The following CHST9 variants were observed in gnomAD, a reference collection of about 807,000 sequenced individuals.
The protein encoded by CHST9 is carbohydrate sulfotransferase 9.
CHST9 carries 41 observed loss-of-function variants against 44.4 expected under a neutral mutation model. The observed-to-expected ratio is 0.92, with a 90% CI of 0.72 to 1.20. The LOEUF (loss-of-function observed/expected upper bound fraction) is 1.20. CHST9 is among the 50% of genes most tolerant of loss of function. CHST9 has a pLI of 0.00. For synonymous variants in CHST9, 171 were observed against 178.4 expected, an observed-to-expected ratio of 0.96 and a Z score of 0.33; for missense variants, 504 against 516.5, an observed-to-expected ratio of 0.98 and a Z score of 0.23.
At chr18:27,006,487 G>T (rs1365180132) in intron 4 of CHST9, among the ~76,000 whole-genome samples, 1 of 152,024 alleles carries the variant, frequency 6.6e-6, no homozygotes, top group Non-Finnish European at 1.5e-5. Flanking sequence ...ATGCTGTTTG[G>T]CCTGTTTAAT....
intron 2 of CHST9, among the ~76,000 whole-genome samples, chr18:27,120,581 T>TA (rs61406912): frequency 2.7e-4 from 41 of 149,654 alleles, no homozygotes; most frequent in African/African-American, 5.9e-4. Flanking sequence ...TAATCCACGT[T>TA]AAAAAAAAAA....
chr18:26,963,625 C>T (rs797019826), intron 4 of CHST9, among the ~76,000 whole-genome samples: 22 of 145,282 alleles, frequency 1.5e-4, no homozygotes, highest in African/African-American at 5.3e-4. Flanking sequence ...CAAATGAAAA[C>T]ATCTATTTCA....
At chr18:27,142,293 G>GT (rs2058574458) in intron 2 of CHST9, among the ~76,000 whole-genome samples, 1 of 152,158 alleles carries the variant, frequency 6.6e-6, no homozygotes, top group Non-Finnish European at 1.5e-5. Flanking sequence ...CCAATTTTGA[G>GT]TATCAATATA....
chr18:26,992,600 T>G (rs373353076), intron 4 of CHST9, among the ~76,000 whole-genome samples: 92 of 152,286 alleles, frequency 6.0e-4, no homozygotes, highest in African/African-American at 2.0e-3. Flanking sequence ...ACTGAAGTTA[T>G]GATTGCTTTG....
At chr18:27,075,156 T>G (rs1483467974) in intron 2 of CHST9, among the ~76,000 whole-genome samples, 1 of 133,304 alleles carries the variant, frequency 7.5e-6, no homozygotes, top group East Asian at 2.1e-4. Context: ...GGTTGCTTTT[T>G]TTGTTTGTTT....
intron 3 of CHST9, among the ~76,000 whole-genome samples, chr18:27,046,811 A>G (rs1164852687): frequency 6.6e-6 from 1 of 152,064 alleles, no homozygotes; most frequent in Non-Finnish European, 1.5e-5. Flanking sequence ...GGCTCTATCC[A>G]TTAGTTATCC....
chr18:27,047,821 C>T (rs964859781), intron 3 of CHST9, among the ~76,000 whole-genome samples: 2 of 152,136 alleles, frequency 1.3e-5, no homozygotes, highest in African/African-American at 4.8e-5. Context: ...TGCAACACTG[C>T]TCCTATGCAA....
intron 2 of CHST9, among the ~76,000 whole-genome samples, chr18:27,120,319 G>A (rs2058363947): frequency 6.6e-6 from 1 of 152,162 alleles, no homozygotes. Context: ...TGATGACCCA[G>A]TAGCAGAGTT....
intron 4 of CHST9, among the ~76,000 whole-genome samples, chr18:27,003,626 T>C (rs1163213196): frequency 6.6e-6 from 1 of 152,164 alleles, no homozygotes; most frequent in African/African-American, 2.4e-5. Flanking sequence ...ACATCTGATA[T>C]TCCTCACATA....
intron 1 of CHST9, among the ~76,000 whole-genome samples, chr18:27,158,810 G>C (rs2058719804): frequency 6.6e-6 from 1 of 151,766 alleles, no homozygotes; most frequent in Non-Finnish European, 1.5e-5. Context: ...ACTGGTGTGA[G>C]ATGGTATCTC....
intron 2 of CHST9, among the ~76,000 whole-genome samples, chr18:27,112,329 T>TAC (rs1490901102): frequency 6.6e-6 from 1 of 151,470 alleles, no homozygotes; most frequent in African/African-American, 2.4e-5. Flanking sequence ...TATCTGCATA[T>TAC]ACATAATTAA....
At chr18:26,928,106 G>C (rs1273945811) in intron 5 of CHST9, 1 of 153,034 alleles carries the variant, frequency 6.5e-6, no homozygotes, top group African/African-American at 2.4e-5. Context: ...CACAGGGTTG[G>C]GGGTAGGGTT....
chr18:27,022,209 C>T (rs549382239), intron 4 of CHST9, among the ~76,000 whole-genome samples: 3 of 152,186 alleles, frequency 2.0e-5, no homozygotes, highest in Non-Finnish European at 4.4e-5. Context: ...GAGTTTCGAA[C>T]TTGTGTCCTC....
At chr18:27,004,343 CTTTTTT>C (rs34600421) in intron 4 of CHST9, among the ~76,000 whole-genome samples, 2 of 147,656 alleles carry the variant, frequency 1.4e-5, no homozygotes, top group African/African-American at 4.9e-5. Context: ...TCTTTTCTGT[CTTTTTT>C]TTTTTTATTA....
chr18:26,943,275 C>T (rs971293264), intron 5 of CHST9, among the ~76,000 whole-genome samples: 3 of 152,146 alleles, frequency 2.0e-5, no homozygotes, highest in African/African-American at 7.2e-5. Context: ...TAAATTTTGG[C>T]TACTGAATTT....
At chr18:27,097,410 G>T (rs1367802960) in intron 2 of CHST9, among the ~76,000 whole-genome samples, 1 of 151,916 alleles carries the variant, frequency 6.6e-6, no homozygotes, top group Non-Finnish European at 1.5e-5. Flanking sequence ...TCAGGCAAAA[G>T]AAAGGAATAA....
intron 2 of CHST9, among the ~76,000 whole-genome samples, chr18:27,101,897 G>C (rs2058176234): frequency 6.6e-6 from 1 of 152,150 alleles, no homozygotes; most frequent in Admixed American, 6.5e-5. Context: ...ATTGCATTCA[G>C]AAATAAGACT....
At chr18:27,076,280 A>G (rs796531259) in intron 2 of CHST9, among the ~76,000 whole-genome samples, 42 of 152,342 alleles carry the variant, frequency 2.8e-4, no homozygotes, top group African/African-American at 8.9e-4. Context: ...CAGAAGCAGT[A>G]GCAGTAACTC....
intron 2 of CHST9, among the ~76,000 whole-genome samples, chr18:27,106,081 ACTTAAATTT>A (rs1282114680): frequency 2.0e-5 from 3 of 152,200 alleles, no homozygotes; most frequent in Non-Finnish European, 2.9e-5. Flanking sequence ...ATAGTTAGAA[ACTTAAATTT>A]CTTAAAGATT....
Sources: allele counts gnomAD v4.1 joint callset (sites outside exome capture counted in the v4.1 genomes callset), GRCh38; gene constraint gnomAD v4.1.1; transcripts MANE v1.5; gene names NCBI Gene and HGNC (gene_info 2026-07-23, HGNC 2026-07-21).